Variants in ASB2 observed in about 807,000 individuals in gnomAD.
ASB2 encodes the protein ankyrin repeat and SOCS box containing 2, also known as ankyrin repeat and SOCS box protein 2.
A neutral mutation model predicts 62.4 loss-of-function variants in ASB2; 58 were observed. That is an observed-to-expected ratio of 0.93 (90% confidence interval 0.75 to 1.16). The LOEUF (loss-of-function observed/expected upper bound fraction) is 1.16. ASB2 is among the 50% of genes most tolerant of loss of function. The pLI is 0.00. For missense variants in ASB2, 928 were observed against 887.9 expected, an observed-to-expected ratio of 1.05 and a Z score of -0.57; for synonymous variants, 386 against 385.3, an observed-to-expected ratio of 1.00 and a Z score of -0.02.
chr14:93,949,076 A>C (rs1888849109), intron 6 of ASB2, among the ~76,000 whole-genome samples: 1 of 152,188 alleles, frequency 6.6e-6, no homozygotes, highest in African/African-American at 2.4e-5. Flanking sequence ...GAGGGGGAGA[A>C]CTGATGTGCA....
chr14:93,966,308 CA>C (rs1372613891), intron 1 of ASB2, among the ~76,000 whole-genome samples: 5 of 152,268 alleles, frequency 3.3e-5, no homozygotes, highest in African/African-American at 1.2e-4. Flanking sequence ...CCAGGTGGGA[CA>C]ATCTCACCGC....
At chr14:93,970,948 A>G (rs1889740985) in intron 1 of ASB2, among the ~76,000 whole-genome samples, 1 of 152,342 alleles carries the variant, frequency 6.6e-6, no homozygotes, top group East Asian at 1.9e-4. Flanking sequence ...TGCTCGTGTT[A>G]TTCCACAGGT....
chr14:93,971,827 A>G (rs151219478), intron 1 of ASB2, among the ~76,000 whole-genome samples: 66 of 152,212 alleles, frequency 4.3e-4, no homozygotes, highest in Non-Finnish European at 8.5e-4. Flanking sequence ...CCAAGTATTC[A>G]TCCCACACAA....
intron 2 of ASB2, among the ~76,000 whole-genome samples, chr14:93,960,390 C>T (rs1473581723): frequency 6.6e-6 from 1 of 152,206 alleles, no homozygotes; most frequent in African/African-American, 2.4e-5. Context: ...ATCATAAGTG[C>T]AGAGTAAGTG....
chr14:93,942,171 C>T (rs1384560641), intron 7 of ASB2: 1 of 455,770 alleles, frequency 2.2e-6, no homozygotes, highest in African/African-American at 2.0e-5. Flanking sequence ...CCCCACCAAA[C>T]AGTCTGACTC....
intron 1 of ASB2, among the ~76,000 whole-genome samples, chr14:93,971,772 G>A (rs1889761804): frequency 6.6e-6 from 1 of 151,850 alleles, no homozygotes; most frequent in South Asian, 2.1e-4. Context: ...CACACTAAGG[G>A]AAAAAGTGAC....
chr14:93,957,273 C>T, intron 2 of ASB2: 1 of 1,135,998 alleles, frequency 8.8e-7, no homozygotes, highest in African/African-American at 1.6e-5. Flanking sequence ...CCAGGCAGAT[C>T]CCTGCGGGGC....
At chr14:93,943,986 G>C (rs1360037734) in intron 7 of ASB2, 1 of 456,106 alleles carries the variant, frequency 2.2e-6, no homozygotes, top group Admixed American at 2.3e-5. Context: ...GAGGGAGGCA[G>C]AAGTAAGGCC....
intron 3 of ASB2, chr14:93,955,253 T>C (rs995424441): frequency 6.8e-6 from 3 of 442,672 alleles, no homozygotes; most frequent in African/African-American, 4.0e-5. Flanking sequence ...CCACGCCATG[T>C]TGGGCTAGGA....
At chr14:93,947,885 T>G (rs1294860979) in intron 6 of ASB2, among the ~76,000 whole-genome samples, 1 of 148,988 alleles carries the variant, frequency 6.7e-6, no homozygotes, top group Non-Finnish European at 1.5e-5. Flanking sequence ...TCCCAGCTAC[T>G]CGGGAGGCTG....
Position 93,947,386 on chromosome 14 carries a change from G to C in ASB2, c.1015C>G (p.Leu339Val). Residue 339 changes from leucine to valine, a missense_variant, in exon 7 of 10, where the codon CTC becomes GTC. Leu to Val is a conservative substitution (Grantham distance 32). Transcript: ENST00000555019. The stretch of plus-strand genomic sequence containing the variant: ...TTCTTGGAGGCGATGTGCAGCGGGA[G>C]CAAGCCGTCCTTGTTGGTCTTGTTG... ...DANKTNKDGL[L>V]PLHIASKKGN... 2 of 1,614,242 alleles carry C rather than the reference G, an allele frequency of 1.2e-6. No homozygotes were observed. The highest frequency in any genetic ancestry group is 1.7e-6 in the Non-Finnish European group (2 of 1,180,044).
chr14:93,969,880 T>G (rs1889709580), intron 1 of ASB2: 1 of 152,216 alleles, frequency 6.6e-6, no homozygotes, highest in South Asian at 2.1e-4. Context: ...CTTAGGTTAA[T>G]CCACGTAAAT....
chr14:93,956,970 G>T, intron 2 of ASB2, 100 bp from the exon 3 acceptor site: 1 of 1,575,680 alleles, frequency 6.3e-7, no homozygotes, highest in Non-Finnish European at 8.6e-7. Context: ...GAGAGCCAGG[G>T]AGAGACTGAC....
chr14:93,943,937 T>A lies in ASB2; in HGVS notation c.1052+3412A>T, dbSNP rs539294994. 1.1e-3 allele frequency: 487 copies of A among 456,038 alleles called. 1 individual carries two copies. The highest frequency in any genetic ancestry group is 1.6e-3 in the Admixed American group (68 of 42,560). The allele number at this position is 456,038 out of a possible 1,614,324, so 28.2% of individuals were successfully genotyped here. ...AGATTGATAAAATACAGCAAAAGTG[T>A]TATATGTTGGAACTAAAAGAGAAGG... On this transcript the variant is annotated intron_variant, in intron 7 of 9. Transcript: ENST00000555019.
Position 93,939,103 on chromosome 14 carries a change from C to T in ASB2, c.1617+5G>A, listed in dbSNP as rs1259588012. On this transcript the variant is annotated splice_donor_5th_base_variant and intron_variant, in intron 8 of 9. Coordinates refer to ENST00000555019, the MANE Select transcript of ASB2 (RefSeq NM_001202429.2). ...TGCTCCCCACCGCCAGCGTGCGCTG[C>T]CCACCTGCACCACGCTGGGCTCCTT... 1 of 1,470,586 alleles carries T rather than the reference C, an allele frequency of 6.8e-7. No individual in the cohort carries two copies. Among genetic ancestry groups the T allele is most frequent in the Non-Finnish European group, 9.0e-7 (1 of 1,109,684 alleles). The allele number at this position is 1,470,586 out of a possible 1,614,324, so 91.1% of individuals were successfully genotyped here.
intron 4 of ASB2, among the ~76,000 whole-genome samples, chr14:93,953,924 C>T (rs894433297): frequency 1.3e-5 from 2 of 152,164 alleles, no homozygotes; most frequent in Non-Finnish European, 2.9e-5. Flanking sequence ...AGACAGGGCT[C>T]AGAGAGGAGG....
Position 93,934,362 on chromosome 14 carries a change from C to A in ASB2, c.*294G>T. ...ACCACCTTCCCCAGAACACCTCAAG[C>A]TCTGCCCTGGCCCCAGGAATAGAGG... On this transcript the variant is annotated 3_prime_UTR_variant, in exon 10 of 10. Coordinates refer to ENST00000555019, the MANE Select transcript of ASB2 (RefSeq NM_001202429.2). 2.3e-6 allele frequency: 1 copy of A among 437,912 alleles called. No individual in the cohort carries two copies. 27.1% of individuals were successfully genotyped at this position (437,912 alleles called of 1,614,324 possible).
At position 93,953,500 on chromosome 14, in the gene ASB2, T is replaced by G. The variant is rs147297302; in HGVS notation, c.486A>C (p.Pro162=). The G allele has an allele frequency of 1.9e-6, 3 of 1,587,100 alleles. No individual in the cohort carries two copies. Among genetic ancestry groups the G allele is most frequent in the Non-Finnish European group, 2.6e-6 (3 of 1,160,200 alleles). The change falls in exon 5 of 10, where the codon CCA becomes CCC. Residue 162 remains proline (P), a synonymous_variant. Transcript: ENST00000555019. ...GCAGGGTGCGCTGGTCGATGGTCCC[T>G]GGGTACGCTAGGGAGGGCCCACCGG... ...GCLKVLQRAY[P]GTIDQRTLQE...
intron 6 of ASB2, among the ~76,000 whole-genome samples, chr14:93,949,013 A>C (rs781491691): frequency 1.3e-5 from 2 of 152,214 alleles, no homozygotes; most frequent in Non-Finnish European, 2.9e-5. Context: ...CCTGGTGACA[A>C]TCTGCCTTCA....
Sources: allele counts gnomAD v4.1 joint callset (sites outside exome capture counted in the v4.1 genomes callset), GRCh38; gene constraint gnomAD v4.1.1; transcripts MANE v1.5; gene names NCBI Gene and HGNC (gene_info 2026-07-23, HGNC 2026-07-21).